Variants in VAT1L observed in about 807,000 individuals in gnomAD.
VAT1L encodes the protein putative NADPH-dependent quinone oxidoreductase VAT1L.
A neutral mutation model predicts 44.1 loss-of-function variants in VAT1L; 34 were observed. That is an observed-to-expected ratio of 0.77 (90% CI 0.59 to 1.03). The LOEUF is 1.03. Among genes scored for constraint, VAT1L ranks in the 50% least tolerant of loss-of-function variants. The pLI is 0.00. For missense variants in VAT1L, 615 were observed against 538.8 expected (o/e 1.14, Z -1.40); for synonymous variants, 253 against 202.2 (o/e 1.25, Z -2.13).
intron 2 of VAT1L, among the ~76,000 whole-genome samples, chr16:77,824,056 G>A (rs1375881626): frequency 1.3e-5 from 2 of 152,150 alleles, no homozygotes; most frequent in African/African-American, 2.4e-5. Flanking sequence ...GAAAAACCTC[G>A]CATGAGGAGG....
Position 77,971,798 on chromosome 16 carries a change from CTG to C in VAT1L, c.1078-51_1078-50del. On this transcript the variant is annotated intron_variant, in intron 7 of 8. Transcript: ENST00000302536. Reference sequence around the variant, plus strand: ...TGAGTTCTCCAGGCCCCCTTTTTAACTGGGGAACATCTCGCCTAACCAGCACC... The same window carrying C: ...TGAGTTCTCCAGGCCCCCTTTTTAACGGGAACATCTCGCCTAACCAGCACC... 2.5e-6 allele frequency: 4 copies of C among 1,570,942 alleles called. No individual in the cohort carries two copies. The African/African-American group carries it at 4.1e-5, about 16-fold the overall frequency.
chr16:77,937,253 G>A (rs778257449), intron 7 of VAT1L, among the ~76,000 whole-genome samples: 1 of 152,108 alleles, frequency 6.6e-6, no homozygotes, highest in Admixed American at 6.5e-5. Flanking sequence ...CAGGTTCATC[G>A]TCCTCCTCAC....
At chr16:77,888,960 C>A (rs182106634) in intron 7 of VAT1L, among the ~76,000 whole-genome samples, 3 of 152,328 alleles carry the variant, frequency 2.0e-5, no homozygotes, top group South Asian at 2.1e-4. Flanking sequence ...GACTTTCTGC[C>A]GGCTTTCTGC....
At chr16:77,830,918 A>G (rs915546149) in intron 3 of VAT1L, among the ~76,000 whole-genome samples, 8 of 152,226 alleles carry the variant, frequency 5.3e-5, no homozygotes, top group Non-Finnish European at 8.8e-5. Context: ...TCCTGATCTC[A>G]GGTGATCTGC....
intron 3 of VAT1L, among the ~76,000 whole-genome samples, chr16:77,826,053 AG>A (rs1174242909): frequency 5.3e-5 from 7 of 132,686 alleles, no homozygotes; most frequent in South Asian, 2.4e-4. Flanking sequence ...AAAAAAAGAA[AG>A]AAATTAGCCG....
intron 7 of VAT1L, among the ~76,000 whole-genome samples, chr16:77,937,444 G>C (rs1289429632): frequency 6.6e-6 from 1 of 152,182 alleles, no homozygotes; most frequent in East Asian, 1.9e-4. Context: ...AGAAAGAGGA[G>C]AGAAACACGA....
At chr16:77,973,891 A>C (rs2018307170) in intron 8 of VAT1L, among the ~76,000 whole-genome samples, 1 of 151,876 alleles carries the variant, frequency 6.6e-6, no homozygotes, top group African/African-American at 2.4e-5. Context: ...ATGCCTGGCT[A>C]ATTTTTTTGT....
intron 7 of VAT1L, among the ~76,000 whole-genome samples, chr16:77,940,352 T>TC (rs1367739072): frequency 6.7e-6 from 1 of 149,196 alleles, no homozygotes; most frequent in Non-Finnish European, 1.5e-5. Flanking sequence ...TTTTTTTTTT[T>TC]TTTTTTTTGG....
Position 77,825,598 on chromosome 16 carries a change from G to T in VAT1L, c.579+137G>T, listed in dbSNP as rs568365532. 5 of 1,015,664 alleles carry T rather than the reference G, an allele frequency of 4.9e-6. 1 individual carries two copies. Among genetic ancestry groups the T allele is most frequent in the African/African-American group, 3.2e-5 (2 of 62,666 alleles). 62.9% of individuals were successfully genotyped at this position (1,015,664 alleles called of 1,614,324 possible). On this transcript the variant is annotated intron_variant, in intron 3 of 8. Coordinates refer to ENST00000302536, the MANE Select transcript of VAT1L (RefSeq NM_020927.3). ...GGTTCTGGTAGAGTTCACATGGACA[G>T]CAAAGCCCATATAGATGATTGCATT...
At chr16:77,908,992 G>A (rs759506854) in intron 7 of VAT1L, among the ~76,000 whole-genome samples, 7 of 152,070 alleles carry the variant, frequency 4.6e-5, no homozygotes, top group Non-Finnish European at 1.0e-4. Context: ...TGTGGACAAA[G>A]GATGATAATA....
At chr16:77,799,106 T>C (rs1357485011) in intron 1 of VAT1L, among the ~76,000 whole-genome samples, 1 of 152,134 alleles carries the variant, frequency 6.6e-6, no homozygotes, top group African/African-American at 2.4e-5. Context: ...CAAAGAGAAC[T>C]TTTTTCTCCC....
At chr16:77,946,279 C>CGTTTTTTTTTTTTTTTTTT (rs1223152362) in intron 7 of VAT1L, among the ~76,000 whole-genome samples, 1 of 70,426 alleles carries the variant, frequency 1.4e-5, no homozygotes, top group African/African-American at 5.3e-5. Context: ...GTTACTTGTT[C>CGTTTTTTTTTTTTTTTTTT]TTTTTTTTTT....
intron 7 of VAT1L, among the ~76,000 whole-genome samples, chr16:77,954,846 T>A (rs1055019379): frequency 5.3e-5 from 8 of 152,188 alleles, no homozygotes; most frequent in African/African-American, 1.2e-4. Context: ...CCAGTCTCAA[T>A]AAAAGAGGCC....
intron 7 of VAT1L, among the ~76,000 whole-genome samples, chr16:77,935,275 C>A (rs2017779978): frequency 6.6e-6 from 1 of 152,078 alleles, no homozygotes; most frequent in African/African-American, 2.4e-5. Flanking sequence ...ATAATTGAGA[C>A]TTTTTTATGG....
intron 7 of VAT1L, among the ~76,000 whole-genome samples, chr16:77,898,376 C>A (rs1309540043): frequency 6.6e-6 from 1 of 152,104 alleles, no homozygotes; most frequent in Non-Finnish European, 1.5e-5. Flanking sequence ...CACATACGAT[C>A]AAAAACGGGA....
chr16:77,843,243 A>G (rs958472777), intron 3 of VAT1L, among the ~76,000 whole-genome samples: 10 of 152,014 alleles, frequency 6.6e-5, no homozygotes, highest in African/African-American at 1.7e-4. Context: ...TGTTTTTTCA[A>G]TGGTTTATAG....
intron 7 of VAT1L, among the ~76,000 whole-genome samples, chr16:77,935,343 G>A (rs901390377): frequency 6.6e-6 from 1 of 152,078 alleles, no homozygotes; most frequent in African/African-American, 2.4e-5. Flanking sequence ...AATTGGTAGT[G>A]CGGGTAAGAG....
In VAT1L at chr16:77,837,373, C is replaced by T. The variant is rs1039049641; in HGVS notation, c.579+11912C>T. Among the ~76,000 whole-genome samples, 4 of 152,274 alleles carry T rather than the reference C, an allele frequency of 2.6e-5. No individual in the cohort carries two copies. In the South Asian group the frequency reaches 8.3e-4, roughly 32 times the overall value. ...CCATGTTCATAAATTAAACCTCAGGCTGCTGTGTCCATAAATTAAACTTCA... is the reference window on the plus strand; with the variant it reads ...CCATGTTCATAAATTAAACCTCAGGTTGCTGTGTCCATAAATTAAACTTCA... On this transcript the variant is annotated intron_variant, in intron 3 of 8. Transcript: ENST00000302536.
intron 1 of VAT1L, among the ~76,000 whole-genome samples, chr16:77,809,700 G>A (rs2016231539): frequency 6.6e-6 from 1 of 152,218 alleles, no homozygotes; most frequent in Non-Finnish European, 1.5e-5. Flanking sequence ...GGGATCTACT[G>A]CCATTGCCCA....
Sources: allele counts gnomAD v4.1 joint callset (sites outside exome capture counted in the v4.1 genomes callset), GRCh38; gene constraint gnomAD v4.1.1; transcripts MANE v1.5; gene names NCBI Gene and HGNC (gene_info 2026-07-23, HGNC 2026-07-21).